The following RNF216 variants were observed in gnomAD, a reference collection of about 807,000 sequenced individuals.
RNF216 encodes the protein ring finger protein 216.
In RNF216, 72 loss-of-function variants were observed where a neutral mutation model predicts 110.8. That is an observed-to-expected ratio of 0.65 (90% CI 0.54 to 0.79). The LOEUF is 0.79. RNF216 is among the 30% of genes least tolerant of loss of function. RNF216 has a pLI of 0.00. For missense variants in RNF216, 1,342 were observed against 1,141.2 expected, an observed-to-expected ratio of 1.18 and a Z score of -2.54; for synonymous variants, 495 against 407.5, an observed-to-expected ratio of 1.21 and a Z score of -2.59.
chr7:5,747,023 G>T (rs1008542914), intron 3 of RNF216, among the ~76,000 whole-genome samples: 1 of 152,130 alleles, frequency 6.6e-6, no homozygotes, highest in Non-Finnish European at 1.5e-5. Flanking sequence ...CCACACCAAA[G>T]ACAGATAAAC....
chr7:5,768,612 A>C (rs187364602), intron 1 of RNF216, among the ~76,000 whole-genome samples: 109 of 152,142 alleles, frequency 7.2e-4, no homozygotes, highest in African/African-American at 2.5e-3. Flanking sequence ...CTCTGACAAC[A>C]GTCAATAAAA....
chr7:5,647,111 T>C (rs7780518), intron 14 of RNF216, among the ~76,000 whole-genome samples: 21,377 of 151,408 alleles, frequency 0.14, 1,599 homozygotes, highest in South Asian at 0.19. Context: ...GAGGAAGTTG[T>C]GAAAGGTGAA....
chr7:5,652,996 A>T (rs2128577548), intron 13 of RNF216, among the ~76,000 whole-genome samples: 1 of 152,326 alleles, frequency 6.6e-6, no homozygotes, highest in Middle Eastern at 3.4e-3. Context: ...AAAACACAGT[A>T]GCACGAGCTG....
intron 1 of RNF216, among the ~76,000 whole-genome samples, chr7:5,765,422 C>T (rs1186453037): frequency 6.6e-6 from 1 of 151,960 alleles, no homozygotes. Flanking sequence ...TGAGATTGTG[C>T]CACTGCACTC....
chr7:5,676,020 T>C (rs1790265740), intron 13 of RNF216, among the ~76,000 whole-genome samples: 1 of 139,658 alleles, frequency 7.2e-6, no homozygotes, highest in African/African-American at 3.2e-5. Context: ...TCTTCTTTTT[T>C]CTTTTTTTTT....
At chr7:5,728,241 T>G (rs938385547) in intron 7 of RNF216, among the ~76,000 whole-genome samples, 3 of 152,174 alleles carry the variant, frequency 2.0e-5, no homozygotes, top group Non-Finnish European at 4.4e-5. Context: ...CTACCTTAGG[T>G]TGCCTCCCGT....
intron 15 of RNF216, among the ~76,000 whole-genome samples, chr7:5,625,231 C>T (rs1321774400): frequency 1.3e-5 from 2 of 152,184 alleles, no homozygotes; most frequent in Non-Finnish European, 2.9e-5. Context: ...GGGCTCTGTT[C>T]CCTGAGGTCC....
chr7:5,768,270 G>T (rs554494553), intron 1 of RNF216, among the ~76,000 whole-genome samples: 2 of 139,912 alleles, frequency 1.4e-5, no homozygotes, highest in African/African-American at 5.4e-5. Context: ...GGGAAACATA[G>T]TGAGATCTTG....
intron 1 of RNF216, among the ~76,000 whole-genome samples, chr7:5,768,253 C>T (rs1026119650): frequency 5.4e-5 from 8 of 148,118 alleles, no homozygotes; most frequent in African/African-American, 2.0e-4. Flanking sequence ...GAGTTTAAGA[C>T]CAGCCTGGGA....
In RNF216 at chr7:5,622,898, G is replaced by T; in HGVS notation, c.2734C>A (p.Pro912Thr). 1 of 1,611,838 alleles carries T rather than the reference G, an allele frequency of 6.2e-7. No homozygotes were observed. Among genetic ancestry groups the T allele is most frequent in the Non-Finnish European group, 8.5e-7 (1 of 1,178,656 alleles). Residue 912 changes from proline (P) to threonine (T), a missense_variant, in exon 17 of 17, where the codon CCC becomes ACC. Transcript: ENST00000389902. ...PIHMPLEHNL[P>T]MHFGPQPRHR... ...CGCGGCTGGGGGCCAAAGTGCATGGGCAGGTTGTGCTCCAGGGGCATGTGG... is the reference window on the plus strand; with the variant it reads ...CGCGGCTGGGGGCCAAAGTGCATGGTCAGGTTGTGCTCCAGGGGCATGTGG...
intron 1 of RNF216, among the ~76,000 whole-genome samples, chr7:5,766,490 T>C (rs1420572530): frequency 6.6e-6 from 1 of 151,758 alleles, no homozygotes; most frequent in East Asian, 1.9e-4. Context: ...GGCTGGGCAC[T>C]CTGAGAAGAA....
At chr7:5,710,119 G>A (rs1792572834) in intron 13 of RNF216, among the ~76,000 whole-genome samples, 1 of 152,226 alleles carries the variant, frequency 6.6e-6, no homozygotes, top group Admixed American at 6.5e-5. Context: ...CAGCACTTTG[G>A]AAGGCTGAGG....
chr7:5,755,917 A>G (rs888225280), intron 2 of RNF216, among the ~76,000 whole-genome samples: 68 of 152,326 alleles, frequency 4.5e-4, no homozygotes, highest in African/African-American at 1.6e-3. Flanking sequence ...GTAGGATAGT[A>G]CGTTGCTTCA....
At chr7:5,653,383 G>C (rs139209990) in intron 13 of RNF216, among the ~76,000 whole-genome samples, 1 of 151,914 alleles carries the variant, frequency 6.6e-6, no homozygotes, top group Non-Finnish European at 1.5e-5. Flanking sequence ...GAGGTCATGA[G>C]GTCAGGAGAT....
intron 6 of RNF216, among the ~76,000 whole-genome samples, chr7:5,730,199 G>C (rs1794007332): frequency 6.6e-6 from 1 of 152,134 alleles, no homozygotes; most frequent in African/African-American, 2.4e-5. Flanking sequence ...TCATGTTTTT[G>C]CAATTTACTT....
chr7:5,725,307 AAC>A lies in RNF216; in HGVS notation c.1504+15_1504+16del, dbSNP rs1236701604. 7 of 1,411,716 alleles carry A rather than the reference AAC, an allele frequency of 5.0e-6. No individual in the cohort carries two copies. In the East Asian group the frequency reaches 6.8e-5, roughly 14 times the overall value. The allele number at this position is 1,411,716 out of a possible 1,614,324, so 87.4% of individuals were successfully genotyped here. A position where few individuals can be genotyped will look rare whatever the true frequency, so the allele number is the denominator to read the frequency against. Reference sequence around the variant, plus strand: ...AGTGTTGCAGCTACACACTGCCACCAACACAGTTTGCATTACCTTGTTCAAAC... The same window carrying A: ...AGTGTTGCAGCTACACACTGCCACCAACAGTTTGCATTACCTTGTTCAAAC... On this transcript the variant is annotated intron_variant, in intron 8 of 16. Coordinates refer to ENST00000389902, the MANE Select transcript of RNF216 (RefSeq NM_207111.4).
At chr7:5,649,422 T>C (rs1382967508) in intron 14 of RNF216, among the ~76,000 whole-genome samples, 2 of 150,446 alleles carry the variant, frequency 1.3e-5, no homozygotes, top group Non-Finnish European at 3.0e-5. Flanking sequence ...GGAGGGAGGA[T>C]CACTCAAGCT....
chr7:5,765,957 A>AAAC (rs1365171897), intron 1 of RNF216, among the ~76,000 whole-genome samples: 1 of 147,824 alleles, frequency 6.8e-6, no homozygotes, highest in African/African-American at 2.5e-5. Context: ...TGTCTCAAAA[A>AAAC]AAAAAAAAAA....
chr7:5,740,996 C>A lies in RNF216; in HGVS notation c.1021G>T (p.Val341Phe), dbSNP rs776447106. 6.2e-7 allele frequency: 1 copy of A among 1,606,794 alleles called. No homozygotes were observed. The highest frequency in any genetic ancestry group is 1.7e-5 in the Admixed American group (1 of 58,108). Residue 341 changes from valine to phenylalanine, a missense_variant, in exon 4 of 17, where the codon GTT (valine) becomes TTT (phenylalanine). Coordinates refer to ENST00000389902, the MANE Select transcript of RNF216 (RefSeq NM_207111.4). ...ACCGTTTCTTTCACTAGTAGTTCAA[C>A]GAGCTCTTGATCTACCTCTGCAGCT... ...QEAAEVDQEL[V>F]ELLVKETEAR...
Sources: allele counts gnomAD v4.1 joint callset (sites outside exome capture counted in the v4.1 genomes callset), GRCh38; gene constraint gnomAD v4.1.1; transcripts MANE v1.5; gene names NCBI Gene and HGNC (gene_info 2026-07-23, HGNC 2026-07-21).